The following TBC1D1 variants were observed in gnomAD, a reference collection of about 807,000 sequenced individuals.
The protein encoded by TBC1D1 is TBC1 domain family member 1, also known as TBC1 (tre-2/USP6, BUB2, cdc16) domain family, member 1.
Under a neutral mutation model 125.6 loss-of-function variants are expected in TBC1D1, and 89 were observed. That is an observed-to-expected ratio of 0.71 (90% confidence interval 0.60 to 0.85). The LOEUF is 0.85. Ranked by LOEUF, TBC1D1 falls within the 40% of genes least tolerant of loss-of-function variation. The pLI is 0.00. For synonymous variants in TBC1D1, 565 were observed against 564.1 expected (o/e 1.00, Z -0.02); for missense variants, 1,377 against 1,469.2 (o/e 0.94, Z 1.03).
At chr4:38,023,690 C>T (rs1744513005) in intron 6 of TBC1D1, among the ~76,000 whole-genome samples, 1 of 152,000 alleles carries the variant, frequency 6.6e-6, no homozygotes, top group Admixed American at 6.6e-5. Flanking sequence ...AAAGTGTGTC[C>T]ACATTTTGTT....
chr4:37,957,862 A>G (rs374362428), intron 2 of TBC1D1, among the ~76,000 whole-genome samples: 2 of 152,088 alleles, frequency 1.3e-5, no homozygotes, highest in East Asian at 3.8e-4. Context: ...CCTTCCTTTT[A>G]TTCTTCCATT....
chr4:38,092,745 A>AT (rs1479153923), intron 13 of TBC1D1, among the ~76,000 whole-genome samples: 31 of 151,664 alleles, frequency 2.0e-4, no homozygotes, highest in African/African-American at 7.5e-4. Flanking sequence ...AAAAAAAAAA[A>AT]AAAAAAGAAA....
chr4:37,945,234 C>T (rs1577980402), intron 2 of TBC1D1, among the ~76,000 whole-genome samples: 1 of 151,998 alleles, frequency 6.6e-6, no homozygotes, highest in African/African-American at 2.4e-5. Flanking sequence ...TACAGGTAGG[C>T]TGGGTGTGGT....
At chr4:38,064,232 C>T (rs533061693) in intron 12 of TBC1D1, among the ~76,000 whole-genome samples, 1 of 152,256 alleles carries the variant, frequency 6.6e-6, no homozygotes, top group South Asian at 2.1e-4. Context: ...TATCCTTTAC[C>T]AGTCGAGAGG....
intron 2 of TBC1D1, among the ~76,000 whole-genome samples, chr4:37,974,636 C>A (rs887055541): frequency 3.3e-5 from 5 of 152,328 alleles, no homozygotes; most frequent in Admixed American, 2.0e-4. Context: ...CAGCTCACTG[C>A]AACGTAGGCC....
At chr4:37,942,809 G>T (rs1725858448) in intron 2 of TBC1D1, among the ~76,000 whole-genome samples, 1 of 152,116 alleles carries the variant, frequency 6.6e-6, no homozygotes, top group Non-Finnish European at 1.5e-5. Flanking sequence ...CAAAGTGCTG[G>T]GATTACAGGC....
At chr4:37,940,833 T>TA (rs1156982667) in intron 2 of TBC1D1, among the ~76,000 whole-genome samples, 1 of 152,218 alleles carries the variant, frequency 6.6e-6, no homozygotes, top group African/African-American at 2.4e-5. Context: ...CGTTTATTGA[T>TA]TTGCATAGGT....
In TBC1D1 at chr4:38,137,169, C is replaced by G; in HGVS notation, c.3341C>G (p.Thr1114Ser). The G allele has an allele frequency of 6.2e-7, 1 of 1,613,452 alleles. No homozygotes were observed. The change falls in exon 20 of 20, where the codon ACC becomes AGC. Residue 1114 changes from threonine (T) to serine (S), a missense_variant. Thr to Ser is a moderately conservative substitution (Grantham distance 58). Coordinates refer to ENST00000261439, the MANE Select transcript of TBC1D1 (RefSeq NM_015173.4). ...GGTAGGATCCAAAGCCTTGAGGCCA[C>G]CATTGAGAAGCTCCTGAGCAGTGAG...
chr4:38,010,444 A>T (rs577811312), intron 2 of TBC1D1, among the ~76,000 whole-genome samples: 1 of 152,238 alleles, frequency 6.6e-6, no homozygotes, highest in African/African-American at 2.4e-5. Flanking sequence ...TCCCTCCCGG[A>T]TGTGAGCTGC....
intron 2 of TBC1D1, among the ~76,000 whole-genome samples, chr4:37,985,193 T>A (rs1381769310): frequency 6.6e-6 from 1 of 152,170 alleles, no homozygotes; most frequent in African/African-American, 2.4e-5. Context: ...ATCCTTGTGA[T>A]CCGCCTGCCT....
chr4:38,052,726 G>GTGCACACACACACACA (rs1750931564), intron 11 of TBC1D1, among the ~76,000 whole-genome samples: 1 of 68,990 alleles, frequency 1.4e-5, no homozygotes, highest in Non-Finnish European at 2.9e-5. Flanking sequence ...GCGCGCGCGC[G>GTGCACACACACACACA]CGCACACACA....
chr4:38,037,131 T>G (rs1298417823), intron 8 of TBC1D1, among the ~76,000 whole-genome samples: 3 of 152,038 alleles, frequency 2.0e-5, no homozygotes, highest in African/African-American at 7.2e-5. Context: ...GCATTTACGG[T>G]GGATGGAAAG....
At chr4:37,928,949 G>T (rs558196895) in intron 2 of TBC1D1, among the ~76,000 whole-genome samples, 6 of 152,154 alleles carry the variant, frequency 3.9e-5, no homozygotes, top group Non-Finnish European at 7.3e-5. Flanking sequence ...TCCCTGAAAG[G>T]TCTCTAGGCT....
chr4:37,955,031 C>A (rs1252131878), intron 2 of TBC1D1, among the ~76,000 whole-genome samples: 2 of 151,878 alleles, frequency 1.3e-5, no homozygotes, highest in East Asian at 3.9e-4. Context: ...ATACAAAGCT[C>A]TGTAATCTAG....
chr4:37,913,639 A>ATATG (rs763801946), intron 2 of TBC1D1, among the ~76,000 whole-genome samples: 3 of 150,442 alleles, frequency 2.0e-5, no homozygotes, highest in African/African-American at 2.4e-5. Flanking sequence ...ATATATATAT[A>ATATG]TGTGTGTGTG....
At chr4:38,083,315 C>T (rs1756900625) in intron 12 of TBC1D1, among the ~76,000 whole-genome samples, 1 of 152,188 alleles carries the variant, frequency 6.6e-6, no homozygotes, top group Admixed American at 6.5e-5. Flanking sequence ...GTCAGCCAGC[C>T]TTGTCTTCTA....
At chr4:37,913,225 A>C (rs903137262) in intron 2 of TBC1D1, among the ~76,000 whole-genome samples, 5 of 152,172 alleles carry the variant, frequency 3.3e-5, no homozygotes, top group South Asian at 2.1e-4. Context: ...ATTGATGCTT[A>C]TATGCTTGGT....
rs116937042 is a variant in TBC1D1, at chr4:37,933,885, C to T, written c.417+31373C>T. ...TGTTAATTTGGGGAAAAAAAAGGCA[C>T]TTTCAAGCAGAGCGTCAGTCTCATT... On this transcript the variant is annotated intron_variant, in intron 2 of 19. Transcript: ENST00000261439. Among the ~76,000 whole-genome samples, 103 of 152,280 alleles carry T rather than the reference C, an allele frequency of 6.8e-4. 3 individuals are homozygous for T. In the East Asian group the frequency reaches 0.018, roughly 27 times the overall value.
At chr4:38,039,501 ATG>A (rs1158567412) in intron 8 of TBC1D1, among the ~76,000 whole-genome samples, 1 of 152,032 alleles carries the variant, frequency 6.6e-6, no homozygotes, top group Non-Finnish European at 1.5e-5. Flanking sequence ...ACATTGTTGC[ATG>A]TATTAGTAGT....
Sources: gnomAD v4.1 joint callset for allele counts (sites outside exome capture counted in the v4.1 genomes callset) on GRCh38, gnomAD v4.1.1 for gene constraint, MANE v1.5 for transcripts, NCBI Gene and HGNC (gene_info 2026-07-23, HGNC 2026-07-21) for gene names.